ASTN2: variants seen among roughly 807,000 people sequenced by gnomAD.
The protein encoded by ASTN2 is astrotactin-2.
In ASTN2, 54 loss-of-function variants were observed where a neutral mutation model predicts 139.8. The ratio of observed to expected loss-of-function variants is 0.39; its 90% CI spans 0.31 to 0.48. ASTN2 has a LOEUF of 0.48. ASTN2 is among the 20% of genes least tolerant of loss of function. ASTN2 has a pLI of 0.95. For synonymous variants in ASTN2, 756 were observed against 719.5 expected (o/e 1.05, Z -0.81); for missense variants, 1,565 against 1,725.1 (o/e 0.91, Z 1.64).
chr9:116,636,004 T>C (rs1383132591), intron 17 of ASTN2, among the ~76,000 whole-genome samples: 2 of 152,162 alleles, frequency 1.3e-5, no homozygotes, highest in Admixed American at 6.5e-5. Flanking sequence ...AGAAAGGCTA[T>C]CTGATGATAG....
Position 116,773,931 on chromosome 9 carries a change from TTCATAGTTTAAGAGAGA to T in ASTN2, c.2396+31684_2396+31700del, listed in dbSNP as rs1830016645. On this transcript the variant is annotated intron_variant, in intron 13 of 22. Transcript: ENST00000313400. ...CCCTACATCCCCATGATACCTATCTTTCATAGTTTAAGAGAGAGGTTACTGTCTTCTCTTATTGTCTG... is the reference window on the plus strand; with the variant it reads ...CCCTACATCCCCATGATACCTATCTTGGTTACTGTCTTCTCTTATTGTCTG... Among the ~76,000 whole-genome samples, 4 of 152,320 alleles carry T rather than the reference TTCATAGTTTAAGAGAGA, an allele frequency of 2.6e-5. No homozygotes were observed. The South Asian group carries it at 8.3e-4, about 32-fold the overall frequency.
At chr9:116,962,503 A>G (rs1423221086) in intron 10 of ASTN2, among the ~76,000 whole-genome samples, 1 of 152,190 alleles carries the variant, frequency 6.6e-6, no homozygotes, top group Non-Finnish European at 1.5e-5. Flanking sequence ...GTCTTCAGGA[A>G]TGCTGGTCTT....
chr9:117,251,956 G>A (rs1294448107), intron 2 of ASTN2, among the ~76,000 whole-genome samples: 1 of 152,154 alleles, frequency 6.6e-6, no homozygotes, highest in African/African-American at 2.4e-5. Context: ...TCTCCAAGGA[G>A]GCAAAACTGT....
chr9:117,319,436 TTTC>T (rs370406655), intron 1 of ASTN2, among the ~76,000 whole-genome samples: 3 of 152,128 alleles, frequency 2.0e-5, no homozygotes, highest in African/African-American at 7.2e-5. Flanking sequence ...TAATATTATT[TTTC>T]TTTTTTTGAG....
intron 19 of ASTN2, among the ~76,000 whole-genome samples, chr9:116,602,705 G>A (rs1854969385): frequency 6.6e-6 from 1 of 152,184 alleles, no homozygotes; most frequent in Non-Finnish European, 1.5e-5. Context: ...AAGGCAGGCA[G>A]ATTACTTGAG....
chr9:116,676,050 G>C (rs1002290539), intron 16 of ASTN2, among the ~76,000 whole-genome samples: 1 of 152,142 alleles, frequency 6.6e-6, no homozygotes. Flanking sequence ...TCTTGTCTAT[G>C]GTTCCATAAA....
intron 13 of ASTN2, among the ~76,000 whole-genome samples, chr9:116,749,068 T>C (rs1360856549): frequency 7.1e-6 from 1 of 140,414 alleles, no homozygotes; most frequent in Non-Finnish European, 1.6e-5. Flanking sequence ...GGACAAAACA[T>C]TGAACCTTTC....
At chr9:116,844,409 G>A (rs913393800) in intron 11 of ASTN2, among the ~76,000 whole-genome samples, 4 of 152,274 alleles carry the variant, frequency 2.6e-5, no homozygotes, top group Non-Finnish European at 4.4e-5. Context: ...AGTCCAGCAC[G>A]TGGGAGGGAG....
intron 17 of ASTN2, among the ~76,000 whole-genome samples, chr9:116,630,675 C>T (rs1856703138): frequency 3.3e-5 from 5 of 151,956 alleles, no homozygotes; most frequent in Admixed American, 3.3e-4. Flanking sequence ...ACCTCAAAAG[C>T]ACAGGCAATA....
chr9:116,858,988 G>T (rs952717906), intron 11 of ASTN2, among the ~76,000 whole-genome samples: 3 of 152,126 alleles, frequency 2.0e-5, no homozygotes, highest in African/African-American at 7.2e-5. Context: ...TGTTGGCAGG[G>T]TTGCATTCCT....
In ASTN2 at chr9:116,760,829, G is replaced by A. The variant is rs184181677; in HGVS notation, c.2397-27306C>T. ...AATGCAAATCTGCACTTCCTTCCCC[G>A]CCGCAGCTAACAAGATAATGAATAT... On this transcript the variant is annotated intron_variant, in intron 13 of 22. Coordinates refer to ENST00000313400, the MANE Select transcript of ASTN2 (RefSeq NM_001365068.1). 3.6e-3 allele frequency among the ~76,000 whole-genome samples: 547 copies of A among 151,950 alleles called. 5 individuals are homozygous for A. Among genetic ancestry groups the A allele is most frequent in the Non-Finnish European group, 1.1e-3 (76 of 68,030 alleles).
chr9:117,032,557 G>A (rs1279359279), intron 6 of ASTN2, among the ~76,000 whole-genome samples: 1 of 152,128 alleles, frequency 6.6e-6, no homozygotes, highest in Non-Finnish European at 1.5e-5. Context: ...ACAATGTGGT[G>A]TCATTTTCCC....
intron 11 of ASTN2, among the ~76,000 whole-genome samples, chr9:116,825,766 C>A (rs926656402): frequency 1.3e-5 from 2 of 152,196 alleles, no homozygotes; most frequent in African/African-American, 2.4e-5. Flanking sequence ...GGGCCTTTGG[C>A]CTGACATACG....
intron 13 of ASTN2, among the ~76,000 whole-genome samples, chr9:116,774,831 C>T (rs1412082019): frequency 6.6e-6 from 1 of 152,146 alleles, no homozygotes; most frequent in East Asian, 1.9e-4. Context: ...ATATGCAGGG[C>T]CTTCGGTATA....
At chr9:116,625,395 C>G (rs1035964808) in intron 17 of ASTN2, among the ~76,000 whole-genome samples, 3 of 152,122 alleles carry the variant, frequency 2.0e-5, no homozygotes, top group African/African-American at 7.2e-5. Flanking sequence ...GATTGCGCTA[C>G]TGCACTCCAG....
chr9:116,832,940 T>TTTTA (rs376636277), intron 11 of ASTN2, among the ~76,000 whole-genome samples: 60 of 149,922 alleles, frequency 4.0e-4, no homozygotes, highest in South Asian at 1.1e-3. Context: ...TTTTGTTTTG[T>TTTTA]TTTATTTATT....
At position 117,388,951 on chromosome 9, in the gene ASTN2, A is replaced by G. The variant is rs1830474249; in HGVS notation, c.442+25546T>C. 2.0e-5 allele frequency among the ~76,000 whole-genome samples: 3 copies of G among 152,232 alleles called. No homozygotes were observed. The South Asian group carries it at 6.2e-4, about 32-fold the overall frequency. ...TTATTCAATGTGCAAAGAAACAAGT[A>G]CAGATATTATGCCAGGATCTGGATC... On this transcript the variant is annotated intron_variant, in intron 1 of 22. Transcript: ENST00000313400.
chr9:117,138,361 G>A (rs527573075), intron 4 of ASTN2, among the ~76,000 whole-genome samples: 52 of 152,162 alleles, frequency 3.4e-4, no homozygotes, highest in Non-Finnish European at 7.1e-4. Flanking sequence ...AAGAGGCATG[G>A]CAAGGAGAAG....
At chr9:117,400,836 C>T (rs1830808751) in intron 1 of ASTN2, among the ~76,000 whole-genome samples, 1 of 152,104 alleles carries the variant, frequency 6.6e-6, no homozygotes, top group South Asian at 2.1e-4. Context: ...GACTTGACCA[C>T]AGACACCCAG....
Sources: gnomAD v4.1 joint callset for allele counts (sites outside exome capture counted in the v4.1 genomes callset) on GRCh38, gnomAD v4.1.1 for gene constraint, MANE v1.5 for transcripts, NCBI Gene and HGNC (gene_info 2026-07-23, HGNC 2026-07-21) for gene names.